Variants in ZNF609 observed in about 807,000 individuals in gnomAD.
ZNF609 encodes zinc finger protein 609.
ZNF609 carries 11 observed loss-of-function variants against 109.5 expected under a neutral mutation model. That is an observed-to-expected ratio of 0.10 (90% confidence interval 0.06 to 0.17). ZNF609 has a LOEUF of 0.17. Among genes scored for constraint, ZNF609 ranks in the 10% least tolerant of loss-of-function variants. The pLI is 1.00. For missense variants in ZNF609, 1,559 were observed against 1,772.4 expected, an observed-to-expected ratio of 0.88 and a Z score of 2.16; for synonymous variants, 646 against 662.0, an observed-to-expected ratio of 0.98 and a Z score of 0.37.
At chr15:64,621,114 G>GAGTCCCAAGGATTGGGAA (rs1314693551) in intron 2 of ZNF609, among the ~76,000 whole-genome samples, 2 of 152,318 alleles carry the variant, frequency 1.3e-5, no homozygotes, top group East Asian at 1.9e-4. Context: ...ACAAAGGGAA[G>GAGTCCCAAGGATTGGGAA]AGTCCCAAGG....
rs1164596448 is a variant in ZNF609 at position 64,622,827 on chromosome 15, A to T, written c.748A>T (p.Met250Leu). ...RLLKKVKSEKMESPVSTPAVL... is the reference protein window; with the variant it reads ...RLLKKVKSEKLESPVSTPAVL... ...CTACTACTTTTTCTTCCCTCCACAG[A>T]TGGAGTCCCCTGTTTCCACACCAGC... Residue 250 changes from methionine (M) to leucine (L), a missense_variant and splice_region_variant, in exon 3 of 10, where the codon ATG becomes TTG. Met to Leu is a conservative substitution (Grantham distance 15, BLOSUM62 2). Transcript: ENST00000326648. 2.5e-6 allele frequency: 4 copies of T among 1,614,032 alleles called. No homozygotes were observed. The Admixed American group carries it at 5.0e-5, about 20-fold the overall frequency.
At chr15:64,541,331 G>T (rs1894256778) in intron 2 of ZNF609, among the ~76,000 whole-genome samples, 2 of 150,100 alleles carry the variant, frequency 1.3e-5, no homozygotes. Context: ...GGAGGCTGAG[G>T]CAGGAGAATG....
At chr15:64,642,617 G>GT (rs1463428604) in intron 3 of ZNF609, among the ~76,000 whole-genome samples, 9 of 152,084 alleles carry the variant, frequency 5.9e-5, no homozygotes, top group Non-Finnish European at 1.3e-4. Context: ...AACACTATGA[G>GT]ACCTCTTCTC....
chr15:64,673,183 T>C (rs1896761609), intron 4 of ZNF609, among the ~76,000 whole-genome samples: 1 of 152,178 alleles, frequency 6.6e-6, no homozygotes, highest in African/African-American at 2.4e-5. Flanking sequence ...AAGGAGATAT[T>C]TGACAAAATT....
rs1342949705 is a variant in ZNF609, at chr15:64,519,260, AT to A, written c.747+19095del. ...AGTAGAAATGTCTCTTGAGGACTGG[AT>A]GTGTGAGAGAGAGAACTGGAAATCT... On this transcript the variant is annotated intron_variant, in intron 2 of 9. Transcript: ENST00000326648. Among the ~76,000 whole-genome samples, 3 of 152,098 alleles carry A rather than the reference AT, an allele frequency of 2.0e-5. No individual in the cohort carries two copies. In the East Asian group the frequency reaches 5.8e-4, roughly 29 times the overall value.
chr15:64,614,109 C>CG (rs763248255), intron 2 of ZNF609, among the ~76,000 whole-genome samples: 75 of 151,510 alleles, frequency 5.0e-4, no homozygotes, highest in Admixed American at 1.3e-3. Flanking sequence ...TTAGTAGAGA[C>CG]GGGGTTTCAC....
At chr15:64,459,613 A>G (rs749982051), upstream of ZNF609, among the ~76,000 whole-genome samples, 1 of 152,154 alleles carries the variant, frequency 6.6e-6, no homozygotes, top group Non-Finnish European at 1.5e-5. Flanking sequence ...ATGCCCCAGG[A>G]TAAGGGAAAA....
intron 2 of ZNF609, among the ~76,000 whole-genome samples, chr15:64,616,097 C>G (rs990280016): frequency 3.9e-5 from 6 of 151,976 alleles, no homozygotes; most frequent in African/African-American, 1.2e-4. Context: ...TAGCTGCTGC[C>G]TCATCCTCCT....
intron 2 of ZNF609, among the ~76,000 whole-genome samples, chr15:64,620,168 A>G (rs1273227060): frequency 6.6e-6 from 1 of 152,230 alleles, no homozygotes; most frequent in African/African-American, 2.4e-5. Flanking sequence ...GTCTGTGTCC[A>G]GTAGGACCTT....
intron 3 of ZNF609, among the ~76,000 whole-genome samples, chr15:64,630,654 A>C (rs541082538): frequency 6.6e-6 from 1 of 150,904 alleles, no homozygotes; most frequent in Non-Finnish European, 1.5e-5. Context: ...TCCGAGAAGA[A>C]ATGGAGTTTC....
chr15:64,655,455 A>G (rs983448990), intron 3 of ZNF609, among the ~76,000 whole-genome samples: 2 of 152,174 alleles, frequency 1.3e-5, no homozygotes, highest in Admixed American at 1.3e-4. Context: ...AATCAGAATG[A>G]TATCTATAAC....
intron 1 of ZNF609, among the ~76,000 whole-genome samples, chr15:64,481,365 G>T (rs1893251313): frequency 6.9e-6 from 1 of 143,918 alleles, no homozygotes; most frequent in South Asian, 2.2e-4. Flanking sequence ...TTGTTGCCCA[G>T]GCTGGAGTGC....
At chr15:64,577,099 T>TATATACATATATGTGTATATAC (rs1567019166) in intron 2 of ZNF609, among the ~76,000 whole-genome samples, 5 of 127,606 alleles carry the variant, frequency 3.9e-5, no homozygotes, top group Non-Finnish European at 6.3e-5. Context: ...TATGTATATA[T>TATATACATATATGTGTATATAC]ACACACAAAT....
chr15:64,648,442 T>C (rs557922578), intron 3 of ZNF609, among the ~76,000 whole-genome samples: 25 of 152,254 alleles, frequency 1.6e-4, no homozygotes, highest in South Asian at 4.1e-4. Context: ...CAGTGAGTTA[T>C]GATCATGCCA....
chr15:64,580,573 C>CA (rs1156582580), intron 2 of ZNF609, among the ~76,000 whole-genome samples: 14 of 139,334 alleles, frequency 1.0e-4, no homozygotes, highest in Non-Finnish European at 1.4e-4. Flanking sequence ...TTTTTTGAGA[C>CA]AGAGTCTCGT....
chr15:64,646,045 G>A (rs1896329149), intron 3 of ZNF609, among the ~76,000 whole-genome samples: 1 of 152,046 alleles, frequency 6.6e-6, no homozygotes, highest in Admixed American at 6.6e-5. Flanking sequence ...ATACTTAAAA[G>A]AATGGAAAAC....
At chr15:64,528,423 GT>G (rs1296355685) in intron 2 of ZNF609, among the ~76,000 whole-genome samples, 4 of 150,774 alleles carry the variant, frequency 2.7e-5, no homozygotes, top group East Asian at 1.9e-4. Flanking sequence ...TTTTTTGTGG[GT>G]TTTTTTATTG....
At chr15:64,503,441 G>C (rs1200222937) in intron 2 of ZNF609, among the ~76,000 whole-genome samples, 1 of 152,186 alleles carries the variant, frequency 6.6e-6, no homozygotes, top group African/African-American at 2.4e-5. Context: ...GGGATGGAAG[G>C]GGAGGTAGGG....
chr15:64,537,280 C>G (rs533074536), intron 2 of ZNF609, among the ~76,000 whole-genome samples: 30 of 151,628 alleles, frequency 2.0e-4, no homozygotes, highest in African/African-American at 7.3e-4. Flanking sequence ...GGTGGATCAC[C>G]TGAGGTTGGG....
Sources: allele counts gnomAD v4.1 joint callset (sites outside exome capture counted in the v4.1 genomes callset), GRCh38; gene constraint gnomAD v4.1.1; transcripts MANE v1.5; gene names NCBI Gene and HGNC (gene_info 2026-07-23, HGNC 2026-07-21).